The following AP3B1 variants were observed in gnomAD, a reference collection of about 807,000 sequenced individuals.
The protein encoded by AP3B1 is AP-3 complex subunit beta-1.
In AP3B1, 61 loss-of-function variants were observed where a neutral mutation model predicts 132.5. That is an observed-to-expected ratio of 0.46 (90% CI 0.37 to 0.57). The LOEUF is 0.57. Among genes scored for constraint, AP3B1 ranks in the 20% least tolerant of loss-of-function variants. The probability of loss-of-function intolerance (pLI) is 0.00; values close to 1 mark genes in which losing one functional copy is unlikely to be tolerated. For missense variants in AP3B1, 1,120 were observed against 1,289.4 expected (o/e 0.87, Z 2.01); for synonymous variants, 388 against 438.3 (o/e 0.89, Z 1.43).
chr5:78,205,814 T>TG (rs1352327866), intron 7 of AP3B1, among the ~76,000 whole-genome samples: 1 of 151,616 alleles, frequency 6.6e-6, no homozygotes, highest in Non-Finnish European at 1.5e-5. Flanking sequence ...CACAGAATCA[T>TG]GGGGATGGAG....
chr5:78,278,598 CAAAAAAAAAAA>C (rs1181601782), intron 1 of AP3B1, among the ~76,000 whole-genome samples: 2 of 10,318 alleles, frequency 1.9e-4, no homozygotes, highest in Non-Finnish European at 3.8e-4. Flanking sequence ...GACTCCGTCT[CAAAAAAAAAAA>C]AAAAAAAAAA....
chr5:78,251,825 C>A (rs557917529), intron 2 of AP3B1, among the ~76,000 whole-genome samples: 1 of 152,160 alleles, frequency 6.6e-6, no homozygotes, highest in Non-Finnish European at 1.5e-5. Flanking sequence ...GGAGGGAGCA[C>A]GCAACATACT....
chr5:78,100,988 AGAG>A lies in AP3B1; in HGVS notation c.2432_2434del (p.Pro811del), dbSNP rs1561406905. The A allele has an allele frequency of 6.4e-7, 1 of 1,554,416 alleles. No individual in the cohort carries two copies. Reference sequence around the variant, plus strand: ...ATCTAGAAGTGAAACATCTTTGGTAAGAGGAGTTCTATCTTGCTTTGTTTTCTT... The same window carrying A: ...ATCTAGAAGTGAAACATCTTTGGTAAGAGTTCTATCTTGCTTTGTTTTCTT... On this transcript the variant is annotated inframe_deletion, in exon 21 of 27. Coordinates refer to ENST00000255194, the MANE Select transcript of AP3B1 (RefSeq NM_003664.5).
intron 7 of AP3B1, among the ~76,000 whole-genome samples, chr5:78,187,402 T>C (rs115093931): frequency 0.014 from 2,147 of 152,318 alleles, 57 homozygotes; most frequent in African/African-American, 0.049. Context: ...CATAAAAAAC[T>C]GCTTTTTATA....
At chr5:78,279,993 A>C (rs1233220107) in intron 1 of AP3B1, among the ~76,000 whole-genome samples, 2 of 145,724 alleles carry the variant, frequency 1.4e-5, no homozygotes, top group African/African-American at 5.0e-5. Context: ...TGGGAGGATC[A>C]GACCAGGAGG....
intron 1 of AP3B1, among the ~76,000 whole-genome samples, chr5:78,279,148 T>A (rs1033358721): frequency 6.6e-6 from 1 of 152,176 alleles, no homozygotes; most frequent in Admixed American, 6.5e-5. Flanking sequence ...TTTTAAAAAA[T>A]TTCTGAAAGG....
At chr5:78,258,986 C>T (rs544413578) in intron 2 of AP3B1, among the ~76,000 whole-genome samples, 9 of 152,194 alleles carry the variant, frequency 5.9e-5, no homozygotes, top group African/African-American at 2.2e-4. Context: ...GCCTGTAATC[C>T]CAGCACTTTG....
At chr5:78,287,439 T>C (rs189896825) in intron 1 of AP3B1, among the ~76,000 whole-genome samples, 3 of 152,328 alleles carry the variant, frequency 2.0e-5, no homozygotes, top group East Asian at 3.9e-4. Context: ...TTACAGGCAG[T>C]ATTTCATCAA....
At chr5:78,005,386 A>C (rs1198276506) in intron 26 of AP3B1, among the ~76,000 whole-genome samples, 1 of 152,202 alleles carries the variant, frequency 6.6e-6, no homozygotes, top group African/African-American at 2.4e-5. Context: ...ACTTAGAGTT[A>C]ATGTTACAAT....
chr5:78,181,564 T>C lies in AP3B1; in HGVS notation c.885A>G (p.Pro295=), dbSNP rs772051866. 1 of 1,613,122 alleles carries C rather than the reference T, an allele frequency of 6.2e-7. No homozygotes were observed. Among genetic ancestry groups the C allele is most frequent in the South Asian group, 1.1e-5 (1 of 91,044 alleles). ...TATTTCTAATTAAGAGTCTATGATC[T>C]GGATCCATAGTATACGGCTTCTTCT... ...DKKKKPYTMD[P]DHRLLIRNTK... Residue 295 remains proline (P), a synonymous_variant, in exon 8 of 27, where the codon CCA becomes CCG. Coordinates refer to ENST00000255194, the MANE Select transcript of AP3B1 (RefSeq NM_003664.5).
intron 24 of AP3B1, among the ~76,000 whole-genome samples, chr5:78,026,049 A>C (rs1747328571): frequency 6.6e-6 from 1 of 152,032 alleles, no homozygotes; most frequent in Non-Finnish European, 1.5e-5. Context: ...TTTTTGATTT[A>C]TTTCTCTCTC....
rs1743411051 is a variant in AP3B1, at chr5:78,162,098, A to G, written c.1363+721T>C. On this transcript the variant is annotated intron_variant, in intron 13 of 26. Transcript: ENST00000255194. The stretch of plus-strand genomic sequence containing the variant: ...TTAAAAAAGTCTCATTTTAATACAT[A>G]ATTATAATAAAAGTTCTTTAAACAA... Among the ~76,000 whole-genome samples, 4 of 152,112 alleles carry G rather than the reference A, an allele frequency of 2.6e-5. No homozygotes were observed. The South Asian group carries it at 8.3e-4, about 31-fold the overall frequency.
intron 14 of AP3B1, among the ~76,000 whole-genome samples, chr5:78,148,208 T>C (rs868233324): frequency 6.6e-6 from 1 of 152,322 alleles, no homozygotes; most frequent in South Asian, 2.1e-4. Context: ...GTATAGCAGC[T>C]GCACTCTCCT....
intron 24 of AP3B1, among the ~76,000 whole-genome samples, chr5:78,028,766 C>G (rs922150006): frequency 6.6e-6 from 1 of 152,152 alleles, no homozygotes; most frequent in African/African-American, 2.4e-5. Flanking sequence ...ATTTCCGTTT[C>G]TTTTGTTCTA....
rs1054871198 is a variant in AP3B1, at chr5:78,056,899, G to T, written c.2578-17625C>A. Among the ~76,000 whole-genome samples the T allele has an allele frequency of 2.0e-5, 3 of 152,148 alleles. No individual in the cohort carries two copies. The East Asian group carries it at 5.8e-4, about 29-fold the overall frequency. On this transcript the variant is annotated intron_variant, in intron 22 of 26. Transcript: ENST00000255194. ...GGCTTTCATTTATTTTGTACTACAA[G>T]CCGAAAATGGACAAGCCAACATATT... is the stretch of plus-strand genomic sequence containing the variant.
intron 15 of AP3B1, among the ~76,000 whole-genome samples, chr5:78,130,755 T>G (rs1158127157): frequency 3.3e-5 from 5 of 152,022 alleles, no homozygotes; most frequent in Admixed American, 6.6e-5. Context: ...TAATCATTAG[T>G]TTTCTCAAAT....
intron 22 of AP3B1, among the ~76,000 whole-genome samples, chr5:78,080,134 G>A (rs779856980): frequency 5.3e-5 from 8 of 151,888 alleles, no homozygotes; most frequent in South Asian, 2.1e-4. Flanking sequence ...TCAGCCTCCC[G>A]AGTAGCTGGA....
In AP3B1 at chr5:78,003,069, A is replaced by C. The variant is rs991814042; in HGVS notation, c.3132-14T>G. 2 of 1,613,838 alleles carry C rather than the reference A, an allele frequency of 1.2e-6. No homozygotes were observed. The highest frequency in any genetic ancestry group is 4.5e-5 in the East Asian group (2 of 44,890). On this transcript the variant is annotated splice_polypyrimidine_tract_variant and intron_variant, in intron 26 of 26. Transcript: ENST00000255194. ...TTAGCTGCAAACCTGGAAGAGAAAA[A>C]AGAGAGACCTTTTATCATAAGATGG...
chr5:78,096,588 A>G (rs1750798602), intron 21 of AP3B1, among the ~76,000 whole-genome samples: 1 of 126,254 alleles, frequency 7.9e-6, no homozygotes, highest in African/African-American at 3.1e-5. Flanking sequence ...CCGGCCGCCC[A>G]TCGTCTGAGA....
Sources: allele counts gnomAD v4.1 joint callset (sites outside exome capture counted in the v4.1 genomes callset), GRCh38; gene constraint gnomAD v4.1.1; transcripts MANE v1.5; gene names NCBI Gene and HGNC (gene_info 2026-07-23, HGNC 2026-07-21).